Variants in TMEM37 observed in about 807,000 individuals in gnomAD.
The protein encoded by TMEM37 is voltage-dependent calcium channel gamma-like subunit.
A neutral mutation model predicts 11.0 loss-of-function variants in TMEM37; 12 were observed. That is an observed-to-expected ratio of 1.09 (90% confidence interval 0.70 to 1.76). TMEM37 has a LOEUF of 1.76. Among genes scored for constraint, TMEM37 ranks in the 40% most tolerant of loss-of-function variants. The probability of loss-of-function intolerance (pLI) is 0.00; values close to 1 mark genes in which losing one functional copy is unlikely to be tolerated. For synonymous variants in TMEM37, 127 were observed against 110.5 expected (o/e 1.15, Z -0.94); for missense variants, 203 against 251.2 (o/e 0.81, Z 1.30).
chr2:119,437,238 G>A lies in TMEM37; in HGVS notation c.371G>A (p.Trp124Ter). 3 of 1,614,272 alleles carry A rather than the reference G, an allele frequency of 1.9e-6. No homozygotes were observed. Among genetic ancestry groups the A allele is most frequent in the Non-Finnish European group, 2.5e-6 (3 of 1,180,054 alleles). Residue 124 changes from tryptophan to a stop codon, truncating the protein, a stop_gained, in exon 2 of 2, where the codon TGG becomes TAG. Coordinates refer to ENST00000306406, the MANE Select transcript of TMEM37 (RefSeq NM_183240.3). LOFTEE classifies it high-confidence loss of function. ...LCEDKHSQCK[W>*]VMGSILLLVS... The stretch of plus-strand genomic sequence containing the variant: ...GAGGACAAACACTCACAGTGCAAGT[G>A]GGTCATGGGTTCCATCCTCCTCCTG...
chr2:119,437,544 C>A lies in TMEM37; in HGVS notation c.*104C>A. 1.4e-6 allele frequency: 2 copies of A among 1,435,450 alleles called. No individual in the cohort carries two copies. Among genetic ancestry groups the A allele is most frequent in the Non-Finnish European group, 1.9e-6 (2 of 1,069,326 alleles). The allele number at this position is 1,435,450 out of a possible 1,614,324, so 88.9% of individuals were successfully genotyped here. On this transcript the variant is annotated 3_prime_UTR_variant, in exon 2 of 2. Transcript: ENST00000306406. ...TGGCCTCTGGTGGGGCTGGGTTGGA[C>A]AAGGGCCTTGAAACGGCTGCCTGTT...
Position 119,437,778 on chromosome 2 carries a change from G to T in TMEM37, c.*338G>T. Reference sequence around the variant, plus strand: ...TACAGTTGGAAGCACAGGGGTAACTGGTACCTGAGCTAGCTGCACAGCCAA... The same window carrying T: ...TACAGTTGGAAGCACAGGGGTAACTTGTACCTGAGCTAGCTGCACAGCCAA... On this transcript the variant is annotated 3_prime_UTR_variant, in exon 2 of 2. Coordinates refer to ENST00000306406, the MANE Select transcript of TMEM37 (RefSeq NM_183240.3). 1 of 320,996 alleles carries T rather than the reference G, an allele frequency of 3.1e-6. No homozygotes were observed. Among genetic ancestry groups the T allele is most frequent in the South Asian group, 4.1e-5 (1 of 24,214 alleles). The allele number at this position is 320,996 out of a possible 1,614,324, so 19.9% of individuals were successfully genotyped here. A position where few individuals can be genotyped will look rare whatever the true frequency, so the allele number is the denominator to read the frequency against.
chr2:119,430,069 C>A, upstream of TMEM37: 1 of 1,138,970 alleles, frequency 8.8e-7, no homozygotes, highest in Non-Finnish European at 1.3e-6. Context: ...CGCAACAGGA[C>A]AGGTCTTCCT....
At chr2:119,433,793 A>G (rs927888342) in intron 1 of TMEM37, among the ~76,000 whole-genome samples, 3 of 152,260 alleles carry the variant, frequency 2.0e-5, no homozygotes, top group African/African-American at 7.2e-5. Context: ...CTTCTTTTCC[A>G]CTGCACACTT....
At chr2:119,433,884 C>T (rs2579631) in intron 1 of TMEM37, among the ~76,000 whole-genome samples, 89,632 of 151,872 alleles carry the variant, frequency 0.59, 27,730 homozygotes, top group Non-Finnish European at 0.69. Flanking sequence ...GGAATGAAGA[C>T]TCTATATGTG....
intron 1 of TMEM37, 72 bp downstream of exon 1, chr2:119,431,996 A>T (rs1439789750): frequency 1.3e-4 from 101 of 787,734 alleles, no homozygotes; most frequent in Middle Eastern, 4.4e-4. Context: ...GGGAGGACGG[A>T]GGGAGGGGCG....
upstream of TMEM37, chr2:119,431,851 C>G: frequency 8.1e-7 from 1 of 1,232,138 alleles, no homozygotes; most frequent in East Asian, 3.3e-5. Flanking sequence ...CGCCGGCGGC[C>G]ACAGCGGAGC....
rs1377978685 is a variant in TMEM37, at chr2:119,438,333, AT to A, written c.*894del. 1 of 152,242 alleles carries A rather than the reference AT, an allele frequency of 6.6e-6. No individual in the cohort carries two copies. The highest frequency in any genetic ancestry group is 1.5e-5 in the Non-Finnish European group (1 of 68,054). 9.4% of individuals were successfully genotyped at this position (152,242 alleles called of 1,614,324 possible). ...CCAGAACACATTTCAAAGAGCACGT[AT>A]CTAGACCTGCTGGACTCTGCAGGGG... On this transcript the variant is annotated 3_prime_UTR_variant, in exon 2 of 2. Coordinates refer to ENST00000306406, the MANE Select transcript of TMEM37 (RefSeq NM_183240.3).
Position 119,437,295 on chromosome 2 carries a change from T to C in TMEM37, c.428T>C (p.Leu143Pro). ...VSFVLSSGGL[L>P]GFVILLRNQV... ...TTCGTCCTCTCCTCCGGCGGGCTCC[T>C]GGGTTTTGTGATCCTCCTCAGGAAC... Residue 143 changes from leucine to proline, a missense_variant, in exon 2 of 2, where the codon CTG becomes CCG. Leu to Pro is a moderately conservative substitution (Grantham distance 98). Coordinates refer to ENST00000306406, the MANE Select transcript of TMEM37 (RefSeq NM_183240.3). 1 of 1,614,238 alleles carries C rather than the reference T, an allele frequency of 6.2e-7. No homozygotes were observed. The highest frequency in any genetic ancestry group is 2.2e-5 in the East Asian group (1 of 44,876).
chr2:119,431,793 G>A, upstream of TMEM37: 1 of 627,644 alleles, frequency 1.6e-6, no homozygotes, highest in Non-Finnish European at 2.3e-6. Flanking sequence ...CTCCCGCCCC[G>A]CCCGCCTCCA....
At chr2:119,431,298 C>A (rs541428553), upstream of TMEM37, among the ~76,000 whole-genome samples, 1 of 152,318 alleles carries the variant, frequency 6.6e-6, no homozygotes, top group South Asian at 2.1e-4. Flanking sequence ...GTAGGATTGC[C>A]CCAAAAAGTT....
rs760625380 is a variant in TMEM37 at position 119,436,897 on chromosome 2, G to A, written c.30G>A (p.Arg10=). Residue 10 remains arginine (R), a synonymous_variant, in exon 2 of 2, where the codon AGG becomes AGA. Coordinates refer to ENST00000306406, the MANE Select transcript of TMEM37 (RefSeq NM_183240.3). ...CCTACGGTTTTTTCCAGGCCCAGAG[G>A]CCTTTGGGCCAAAGGCAGCCCCGCC... MTAVGVQAQ[R]PLGQRQPRRS... 6.2e-7 allele frequency: 1 copy of A among 1,612,506 alleles called. No homozygotes were observed. The highest frequency in any genetic ancestry group is 2.2e-5 in the East Asian group (1 of 44,866).
At chr2:119,433,466 A>G (rs1447552059) in intron 1 of TMEM37, among the ~76,000 whole-genome samples, 1 of 152,082 alleles carries the variant, frequency 6.6e-6, no homozygotes, top group Non-Finnish European at 1.5e-5. Flanking sequence ...AGGGGGAGCA[A>G]ATATGGGAGA....
chr2:119,431,647 C>A (rs553303191), upstream of TMEM37, among the ~76,000 whole-genome samples: 214 of 151,258 alleles, frequency 1.4e-3, no homozygotes, highest in African/African-American at 4.7e-3. Flanking sequence ...ATCCCTCCCC[C>A]CAAGTGCCGG....
intron 1 of TMEM37, among the ~76,000 whole-genome samples, chr2:119,434,033 G>A (rs1682453320): frequency 6.6e-6 from 1 of 152,114 alleles, no homozygotes; most frequent in Non-Finnish European, 1.5e-5. Context: ...CTACTTTGGG[G>A]CAGGAGCGGG....
upstream of TMEM37, chr2:119,429,925 A>G: frequency 6.4e-7 from 1 of 1,550,552 alleles, no homozygotes. Context: ...CAGTGGGTGC[A>G]GATGACCCGA....
rs1682534203 is a variant in TMEM37 at position 119,437,820 on chromosome 2, T to C, written c.*380T>C. The C allele has an allele frequency of 9.3e-6, 2 of 215,598 alleles. No homozygotes were observed. The highest frequency in any genetic ancestry group is 2.0e-4 in the South Asian group (2 of 10,122). 13.4% of individuals were successfully genotyped at this position (215,598 alleles called of 1,614,324 possible). On this transcript the variant is annotated 3_prime_UTR_variant, in exon 2 of 2. Transcript: ENST00000306406. Reference sequence around the variant, plus strand: ...CACAGCCAAGGATAGTTCATGCCTGTTTCATTGACACGTGCTGGGATAGGG... The same window carrying C: ...CACAGCCAAGGATAGTTCATGCCTGCTTCATTGACACGTGCTGGGATAGGG...
chr2:119,436,248 A>G (rs1682493293), intron 1 of TMEM37, among the ~76,000 whole-genome samples: 1 of 152,162 alleles, frequency 6.6e-6, no homozygotes, highest in South Asian at 2.1e-4. Flanking sequence ...GGAGCAGACA[A>G]TGGGGTTGGC....
rs767196019 is a variant in TMEM37 at position 119,437,318 on chromosome 2, A to T, written c.451A>T (p.Asn151Tyr). ...GLLGFVILLR[N>Y]QVTLIGFTLM... ...CCTGGGTTTTGTGATCCTCCTCAGG[A>T]ACCAAGTCACACTCATCGGCTTCAC... The change falls in exon 2 of 2, where the codon AAC becomes TAC. Residue 151 changes from asparagine to tyrosine, a missense_variant. Asn to Tyr is a moderately radical substitution (Grantham distance 143). Transcript: ENST00000306406. The T allele has an allele frequency of 1.2e-5, 19 of 1,614,058 alleles. No individual in the cohort carries two copies. The Admixed American group carries it at 3.0e-4, about 25-fold the overall frequency.
Sources: allele counts gnomAD v4.1 joint callset (sites outside exome capture counted in the v4.1 genomes callset), GRCh38; gene constraint gnomAD v4.1.1; transcripts MANE v1.5; gene names NCBI Gene and HGNC (gene_info 2026-07-23, HGNC 2026-07-21).